Variants in IPCEF1 observed in about 807,000 individuals in gnomAD.
The protein encoded by IPCEF1 is interaction protein for cytohesin exchange factors 1, also known as interactor protein for cytohesin exchange factors 1.
A neutral mutation model predicts 50.9 loss-of-function variants in IPCEF1; 31 were observed. The ratio of observed to expected loss-of-function variants is 0.61; its 90% CI spans 0.46 to 0.82. The LOEUF is 0.82. Ranked by LOEUF, IPCEF1 falls within the 40% of genes least tolerant of loss-of-function variation. The pLI, the probability that IPCEF1 is intolerant of heterozygous loss-of-function variation, is 0.00. For synonymous variants in IPCEF1, 181 were observed against 192.0 expected (o/e 0.94, Z 0.47); for missense variants, 458 against 514.0 (o/e 0.89, Z 1.05).
intron 2 of IPCEF1, among the ~76,000 whole-genome samples, chr6:154,277,067 A>T (rs1782081255): frequency 6.6e-6 from 1 of 152,214 alleles, no homozygotes; most frequent in Non-Finnish European, 1.5e-5. Context: ...AGCTGCATGC[A>T]GCTTGTTTGG....
chr6:154,336,567 A>G (rs1311226682), intron 1 of IPCEF1, among the ~76,000 whole-genome samples: 1 of 152,166 alleles, frequency 6.6e-6, no homozygotes, highest in East Asian at 1.9e-4. Flanking sequence ...GGATACAAAT[A>G]TACAAACATA....
At position 154,346,022 on chromosome 6, in the gene IPCEF1, C is replaced by T. The variant is rs550591564; in HGVS notation, c.-62+10650G>A. Among the ~76,000 whole-genome samples, 19 of 152,092 alleles carry T rather than the reference C, an allele frequency of 1.2e-4. No homozygotes were observed. In the South Asian group the frequency reaches 2.9e-3, roughly 23 times the overall value. On this transcript the variant is annotated intron_variant, in intron 1 of 11. Transcript: ENST00000367220. Reference sequence around the variant, plus strand: ...CTGAAACCACAGGCATGTGCCACCGCGCCTGGCTAATTTTTTGTATACTTT... The same window carrying T: ...CTGAAACCACAGGCATGTGCCACCGTGCCTGGCTAATTTTTTGTATACTTT...
intron 8 of IPCEF1, 108 bp from the exon 9 acceptor site, chr6:154,212,963 C>T: frequency 2.6e-6 from 2 of 772,074 alleles, no homozygotes; most frequent in Non-Finnish European, 4.4e-6. Context: ...CAATCCAATT[C>T]AGAAAGTTCA....
At position 154,168,121 on chromosome 6, in the gene IPCEF1, A is replaced by AG. The variant is rs1799578718; in HGVS notation, c.911-9_911-8insC. On this transcript the variant is annotated splice_polypyrimidine_tract_variant and intron_variant, in intron 10 of 11. Coordinates refer to ENST00000367220, the MANE Select transcript of IPCEF1 (RefSeq NM_001130700.2). The surrounding 1 kb of genome is among the most constrained non-coding windows in gnomAD (Gnocchi z 4.1). ...CAGACACTTTTGTCTCTTCTATTTGAAAAAAAAAAAGAAAGCAGTAACAAT... is the reference window on the plus strand; with the variant it reads ...CAGACACTTTTGTCTCTTCTATTTGAGAAAAAAAAAAGAAAGCAGTAACAAT... 1.1e-6 allele frequency: 1 copy of AG among 930,280 alleles called. No homozygotes were observed. The highest frequency in any genetic ancestry group is 1.7e-5 in the African/African-American group (1 of 57,274). The allele number at this position is 930,280 out of a possible 1,614,324, so 57.6% of individuals were successfully genotyped here. A position where few individuals can be genotyped will look rare whatever the true frequency, so the allele number is the denominator to read the frequency against.
At position 154,228,304 on chromosome 6, in the gene IPCEF1, T is replaced by TAA. The variant is rs11303578; in HGVS notation, c.247-5063_247-5062dup. ...AACATAGGCAGACCTTGTCTCTGTT[T>TAA]AAAAAAAAAAAAAAAGTTTCCTCCA... On this transcript the variant is annotated intron_variant, in intron 5 of 11. Coordinates refer to ENST00000367220, the MANE Select transcript of IPCEF1 (RefSeq NM_001130700.2). 5.4e-3 allele frequency among the ~76,000 whole-genome samples: 800 copies of TAA among 147,168 alleles called. 4 individuals carry two copies. Among genetic ancestry groups the TAA allele is most frequent in the Middle Eastern group, 0.038 (11 of 288 alleles).
chr6:154,239,783 A>C (rs1289800659), intron 5 of IPCEF1, among the ~76,000 whole-genome samples: 1 of 152,174 alleles, frequency 6.6e-6, no homozygotes, highest in Non-Finnish European at 1.5e-5. Context: ...GGCTAACTGC[A>C]ACCTCCGCCT....
In IPCEF1 at chr6:154,205,277, A is replaced by AT. The variant is rs35309621; in HGVS notation, c.538-5238dup. On this transcript the variant is annotated intron_variant, in intron 9 of 11. Transcript: ENST00000367220. ...ATCTAGTTCCATTCAGCATCCCTGT[A>AT]TTTTTTTTTAATAAAAACAGCTTTA... 3.3e-3 allele frequency among the ~76,000 whole-genome samples: 502 copies of AT among 151,544 alleles called. 1 individual carries two copies. Among genetic ancestry groups the AT allele is most frequent in the Middle Eastern group, 0.01 (3 of 294 alleles).
chr6:154,259,969 A>C (rs1052664867), intron 3 of IPCEF1, among the ~76,000 whole-genome samples: 6 of 152,118 alleles, frequency 3.9e-5, no homozygotes, highest in Admixed American at 2.0e-4. Flanking sequence ...GTGAAGAATA[A>C]ACTCCTCACT....
At chr6:154,203,720 C>T (rs938532865) in intron 9 of IPCEF1, among the ~76,000 whole-genome samples, 1 of 152,082 alleles carries the variant, frequency 6.6e-6, no homozygotes, top group Non-Finnish European at 1.5e-5. Context: ...TGATGAGCTA[C>T]CTGAGAACAG....
intron 1 of IPCEF1, among the ~76,000 whole-genome samples, chr6:154,313,486 C>A (rs1196760725): frequency 6.6e-6 from 1 of 152,058 alleles, no homozygotes; most frequent in East Asian, 1.9e-4. Flanking sequence ...TTTTAAGAGA[C>A]TACAAAAGTC....
chr6:154,219,971 G>A (rs1394357437), intron 7 of IPCEF1, among the ~76,000 whole-genome samples: 11 of 148,556 alleles, frequency 7.4e-5, no homozygotes, highest in Admixed American at 4.0e-4. Flanking sequence ...AGAGCTGAGC[G>A]GATACCTGTA....
At chr6:154,199,258 A>G (rs2295676) in intron 10 of IPCEF1, among the ~76,000 whole-genome samples, 109,506 of 152,216 alleles carry the variant, frequency 0.72, 40,351 homozygotes, top group East Asian at 0.89. Flanking sequence ...CACAGCCCAG[A>G]GAAAGTGGCT....
chr6:154,248,575 G>GT (rs1781245718), intron 3 of IPCEF1, among the ~76,000 whole-genome samples: 1 of 152,002 alleles, frequency 6.6e-6, no homozygotes, highest in Non-Finnish European at 1.5e-5. Context: ...TCTAACTATT[G>GT]ATCTGATAGC....
intron 1 of IPCEF1, among the ~76,000 whole-genome samples, chr6:154,336,364 G>T (rs956003420): frequency 2.0e-5 from 3 of 152,180 alleles, no homozygotes; most frequent in African/African-American, 7.2e-5. Context: ...CATGTCATTT[G>T]CAGCAATATG....
chr6:154,277,858 G>A (rs1445705596), intron 2 of IPCEF1, among the ~76,000 whole-genome samples: 1 of 152,004 alleles, frequency 6.6e-6, no homozygotes, highest in Non-Finnish European at 1.5e-5. Context: ...GGTAAAGCCA[G>A]ACTTTTTTTT....
intron 1 of IPCEF1, among the ~76,000 whole-genome samples, chr6:154,292,390 T>C (rs953006373): frequency 6.6e-6 from 1 of 152,206 alleles, no homozygotes; most frequent in African/African-American, 2.4e-5. Flanking sequence ...GTGTCACAGT[T>C]TGCAATTTAC....
At chr6:154,222,983 C>T (rs967763553) in intron 6 of IPCEF1, 187 bp downstream of exon 6, 16 of 605,926 alleles carry the variant, frequency 2.6e-5, no homozygotes, top group East Asian at 5.6e-5. Flanking sequence ...CTCCACAAAA[C>T]GAAATTCCAG....
chr6:154,266,791 C>A lies in IPCEF1; in HGVS notation c.-17-827G>T, dbSNP rs189795302. Among the ~76,000 whole-genome samples, 1,055 of 151,912 alleles carry A rather than the reference C, an allele frequency of 6.9e-3. 10 individuals carry two copies. The highest frequency in any genetic ancestry group is 1.0e-2 in the Admixed American group (152 of 15,250). ...ACTTTGTAGTGGGTTGCCTGAAAAA[C>A]AAGATATTCTGTGGTTTCAAGAAAA... On this transcript the variant is annotated intron_variant, in intron 2 of 11. Transcript: ENST00000367220.
At chr6:154,182,608 T>C (rs956948289) in intron 10 of IPCEF1, among the ~76,000 whole-genome samples, 30 of 152,338 alleles carry the variant, frequency 2.0e-4, no homozygotes, top group African/African-American at 7.2e-4. Flanking sequence ...TTGGTGTACA[T>C]ACAAAAAAGA....
Sources: allele counts gnomAD v4.1 joint callset (sites outside exome capture counted in the v4.1 genomes callset), GRCh38; gene constraint gnomAD v4.1.1; non-coding constraint Gnocchi (gnomAD v3.1); transcripts MANE v1.5; gene names NCBI Gene and HGNC (gene_info 2026-07-23, HGNC 2026-07-21).